RELCH: variants seen among roughly 807,000 people sequenced by gnomAD.
RELCH encodes RAB11-binding protein RELCH.
Under a neutral mutation model 150.3 loss-of-function variants are expected in RELCH, and 41 were observed. The ratio of observed to expected loss-of-function variants is 0.27; its 90% CI spans 0.21 to 0.35. RELCH has a LOEUF of 0.35. Ranked by LOEUF, RELCH falls within the 10% of genes least tolerant of loss-of-function variation. The pLI is 1.00. For synonymous variants in RELCH, 478 were observed against 531.8 expected (o/e 0.90, Z 1.39); for missense variants, 1,092 against 1,467.8 (o/e 0.74, Z 4.18).
At position 62,258,547 on chromosome 18, in the gene RELCH, C is replaced by A; in HGVS notation, c.2073C>A (p.Pro691=). 1 of 1,607,368 alleles carries A rather than the reference C, an allele frequency of 6.2e-7. No homozygotes were observed. The highest frequency in any genetic ancestry group is 8.5e-7 in the Non-Finnish European group (1 of 1,177,546). The change falls in exon 15 of 29, where the codon CCC becomes CCA. Residue 691 remains proline, a synonymous_variant. Coordinates refer to ENST00000644646, the MANE Select transcript of RELCH (RefSeq NM_001346231.2). The stretch of plus-strand genomic sequence containing the variant: ...TGTTGCTGTCAGCCTTGGGTGATCC[C>A]TCAGAAAGAGTAGTTAGTGCTACAC... ...FELLLSALGD[P]SERVVSATHQ...
chr18:62,281,414 G>A lies in RELCH; in HGVS notation c.3114+705G>A, dbSNP rs548051443. 1.3e-3 allele frequency among the ~76,000 whole-genome samples: 201 copies of A among 152,274 alleles called. 9 individuals are homozygous for A. In the South Asian group the frequency reaches 0.039, roughly 30 times the overall value. On this transcript the variant is annotated intron_variant, in intron 24 of 28. Coordinates refer to ENST00000644646, the MANE Select transcript of RELCH (RefSeq NM_001346231.2). ...GCTGTAAAAGTGATTTAGTAGACTG[G>A]TATCCTCTTGTTGCAGAGTAGATCT...
chr18:62,196,176 T>C (rs1319944614), intron 1 of RELCH, among the ~76,000 whole-genome samples: 1 of 152,200 alleles, frequency 6.6e-6, no homozygotes, highest in Non-Finnish European at 1.5e-5. Flanking sequence ...TGGGATTGGA[T>C]TTAGTGTTTC....
chr18:62,258,407 A>T (rs1375404093), intron 14 of RELCH, 105 bp from the exon 15 acceptor site: 1 of 1,054,606 alleles, frequency 9.5e-7, no homozygotes, highest in Non-Finnish European at 1.3e-6. Context: ...TTTCTTGCTT[A>T]AAAATATGTT....
intron 22 of RELCH, 64 bp downstream of exon 22, chr18:62,275,537 AG>A: frequency 9.8e-7 from 1 of 1,022,662 alleles, no homozygotes; most frequent in East Asian, 2.4e-5. Flanking sequence ...GCGAAGAAGA[AG>A]GGAATTTTTT....
intron 26 of RELCH, among the ~76,000 whole-genome samples, chr18:62,290,058 A>T (rs2045033714): frequency 1.3e-5 from 2 of 152,206 alleles, no homozygotes; most frequent in Non-Finnish European, 1.5e-5. Flanking sequence ...TGACCAAATG[A>T]TGTTTATATT....
intron 13 of RELCH, among the ~76,000 whole-genome samples, chr18:62,256,497 A>G (rs929442736): frequency 6.6e-6 from 1 of 152,072 alleles, no homozygotes; most frequent in African/African-American, 2.4e-5. Flanking sequence ...TATTGTTCCA[A>G]GACAGATGAG....
Position 62,262,888 on chromosome 18 carries a change from T to TA in RELCH, c.2351-1100dup, listed in dbSNP as rs2144706436. Among the ~76,000 whole-genome samples the TA allele has an allele frequency of 5.7e-5, 3 of 52,486 alleles. No homozygotes were observed. The South Asian group carries it at 2.5e-3, about 44-fold the overall frequency. The allele number at this position is 52,486 out of a possible 152,430, so 34.4% of individuals were successfully genotyped here. ...GTCTGAGATCAAGGTGTTGGCAGGG[T>TA]AGTCTTAGGGAAACTGCGAGGTAAA... On this transcript the variant is annotated intron_variant, in intron 16 of 28. Transcript: ENST00000644646.
intron 27 of RELCH, among the ~76,000 whole-genome samples, chr18:62,296,403 A>C (rs2145107933): frequency 6.6e-6 from 1 of 152,164 alleles, no homozygotes; most frequent in East Asian, 1.9e-4. Flanking sequence ...CCTGACCAAC[A>C]TGGAGAAACC....
chr18:62,305,623 T>A lies in RELCH; in HGVS notation c.*89T>A. 1 of 1,373,270 alleles carries A rather than the reference T, an allele frequency of 7.3e-7. No homozygotes were observed. Among genetic ancestry groups the A allele is most frequent in the Non-Finnish European group, 9.9e-7 (1 of 1,012,820 alleles). The allele number at this position is 1,373,270 out of a possible 1,614,324, so 85.1% of individuals were successfully genotyped here. A position where few individuals can be genotyped will look rare whatever the true frequency, so the allele number is the denominator to read the frequency against. On this transcript the variant is annotated 3_prime_UTR_variant, in exon 29 of 29. Transcript: ENST00000644646. This position sits in a 1 kb window ranked among gnomAD's most constrained non-coding sequence, Gnocchi z 4.0. ...TGAAGTACTTGCCTTTTTTGTTTCC[T>A]CAGTTTTATGTTCTTGCATTATAAT...
rs114237075 is a variant in RELCH, at chr18:62,204,016, T to C, written c.527-7137T>C. Among the ~76,000 whole-genome samples, 1,072 of 152,206 alleles carry C rather than the reference T, an allele frequency of 7.0e-3. 13 individuals carry two copies. The highest frequency in any genetic ancestry group is 0.025 in the African/African-American group (1,025 of 41,544). ...AGATATAAGATTGTATATATAAATTTATTCTATTTTTTACACAAATATCTT... is the reference window on the plus strand; with the variant it reads ...AGATATAAGATTGTATATATAAATTCATTCTATTTTTTACACAAATATCTT... On this transcript the variant is annotated intron_variant, in intron 1 of 28. Coordinates refer to ENST00000644646, the MANE Select transcript of RELCH (RefSeq NM_001346231.2).
chr18:62,191,383 A>G (rs1246740338), intron 1 of RELCH, among the ~76,000 whole-genome samples: 2 of 152,078 alleles, frequency 1.3e-5, no homozygotes, highest in Admixed American at 6.5e-5. Context: ...CCTTTTGCTT[A>G]GTATATTTTT....
At chr18:62,291,059 GATATGCA>G (rs1033901636) in intron 26 of RELCH, among the ~76,000 whole-genome samples, 1 of 152,096 alleles carries the variant, frequency 6.6e-6, no homozygotes, top group Non-Finnish European at 1.5e-5. Context: ...AAATATTTCT[GATATGCA>G]CTATAGAGTT....
chr18:62,239,920 G>A (rs960416455), intron 10 of RELCH, among the ~76,000 whole-genome samples: 4 of 150,984 alleles, frequency 2.6e-5, no homozygotes, highest in African/African-American at 7.3e-5. Flanking sequence ...TTGTATCTTC[G>A]CTTATCAGTA....
Position 62,309,873 on chromosome 18 carries a change from A to G in RELCH, c.*4339A>G, listed in dbSNP as rs2045962367. 6.6e-6 allele frequency: 1 copy of G among 152,204 alleles called. No individual in the cohort carries two copies. Among genetic ancestry groups the G allele is most frequent in the South Asian group, 2.1e-4 (1 of 4,828 alleles). 9.4% of individuals were successfully genotyped at this position (152,204 alleles called of 1,614,324 possible). ...TGGTATTTTGTGTTGTGTGTTATGT[A>G]TATTAAATTCTTGGTCAGTGATCTT... On this transcript the variant is annotated 3_prime_UTR_variant, in exon 29 of 29. Coordinates refer to ENST00000644646, the MANE Select transcript of RELCH (RefSeq NM_001346231.2).
chr18:62,225,011 A>G (rs1277511013), intron 5 of RELCH, among the ~76,000 whole-genome samples: 1 of 152,122 alleles, frequency 6.6e-6, no homozygotes, highest in Non-Finnish European at 1.5e-5. Context: ...TTGTATATAG[A>G]CAAATAAATT....
At chr18:62,270,196 A>G (rs1600170009) in intron 20 of RELCH, among the ~76,000 whole-genome samples, 1 of 152,330 alleles carries the variant, frequency 6.6e-6, no homozygotes, top group African/African-American at 2.4e-5. Context: ...AACGCCTCCC[A>G]AGAATGAAAA....
intron 27 of RELCH, among the ~76,000 whole-genome samples, chr18:62,294,715 AT>A: frequency 6.6e-6 from 1 of 152,320 alleles, no homozygotes; most frequent in African/African-American, 2.4e-5. Flanking sequence ...AAAAGACATT[AT>A]TTCCTATACT....
intron 18 of RELCH, among the ~76,000 whole-genome samples, chr18:62,266,121 G>C (rs968537838): frequency 6.6e-6 from 1 of 151,306 alleles, no homozygotes; most frequent in Non-Finnish European, 1.5e-5. Context: ...TGAAATCTGT[G>C]ATAATTTTAA....
Position 62,187,637 on chromosome 18 carries a change from A to C in RELCH, c.132A>C (p.Gly44=). 6.5e-7 allele frequency: 1 copy of C among 1,539,904 alleles called. No individual in the cohort carries two copies. Among genetic ancestry groups the C allele is most frequent in the Non-Finnish European group, 8.8e-7 (1 of 1,141,356 alleles). ...GGGCAGTACTTCGGCTGGGCGCCGG[A>C]AGTGGCCTAGATCCTGGCTCTGCGG... ...ERRAVLRLGA[G]SGLDPGSAGS... The change falls in exon 1 of 29, where the codon GGA becomes GGC. Residue 44 remains glycine (G), a synonymous_variant. Transcript: ENST00000644646.
Sources: allele counts gnomAD v4.1 joint callset (sites outside exome capture counted in the v4.1 genomes callset), GRCh38; gene constraint gnomAD v4.1.1; non-coding constraint Gnocchi (gnomAD v3.1); transcripts MANE v1.5; gene names NCBI Gene and HGNC (gene_info 2026-07-23, HGNC 2026-07-21).